SMAD6: variants seen among roughly 807,000 people sequenced by gnomAD.
The protein encoded by SMAD6 is SMAD family member 6.
Under a neutral mutation model 39.4 loss-of-function variants are expected in SMAD6, and 103 were observed. The observed-to-expected ratio is 2.62, with a 90% CI of 2.23 to 3.08. SMAD6 has a LOEUF of 3.08. SMAD6 is among the 30% of genes most tolerant of loss of function. The probability of loss-of-function intolerance (pLI) is 0.00; values close to 1 mark genes in which losing one functional copy is unlikely to be tolerated. For synonymous variants in SMAD6, 445 were observed against 353.3 expected (o/e 1.26, Z -2.91); for missense variants, 1,104 against 742.9 (o/e 1.49, Z -5.65).
chr15:66,709,699 A>C (rs1893190124), intron 1 of SMAD6, among the ~76,000 whole-genome samples: 1 of 152,200 alleles, frequency 6.6e-6, no homozygotes, highest in African/African-American at 2.4e-5. Flanking sequence ...CATGGAGGTC[A>C]GAGACCTGGC....
At chr15:66,729,135 G>A (rs1351941867) in intron 3 of SMAD6, among the ~76,000 whole-genome samples, 1 of 152,132 alleles carries the variant, frequency 6.6e-6, no homozygotes, top group Admixed American at 6.5e-5. Flanking sequence ...TCGGCCTAGA[G>A]CAGGATCTCC....
intron 1 of SMAD6, chr15:66,706,983 T>C (rs1157051931): frequency 6.6e-6 from 1 of 152,368 alleles, no homozygotes; most frequent in Non-Finnish European, 1.5e-5. Context: ...CCTCCCCCAC[T>C]CTGCCCCAGG....
chr15:66,720,713 C>T (rs763438574), intron 3 of SMAD6, among the ~76,000 whole-genome samples: 2 of 152,178 alleles, frequency 1.3e-5, no homozygotes, highest in African/African-American at 2.4e-5. Context: ...AGATACTTTA[C>T]CCCTGCCAGG....
intron 3 of SMAD6, among the ~76,000 whole-genome samples, chr15:66,777,115 A>C (rs1894480298): frequency 6.6e-6 from 1 of 152,144 alleles, no homozygotes; most frequent in South Asian, 2.1e-4. Flanking sequence ...TGGTTTGTGG[A>C]AGCCTGAAGT....
At chr15:66,755,350 T>C (rs574923414) in intron 3 of SMAD6, among the ~76,000 whole-genome samples, 1 of 152,310 alleles carries the variant, frequency 6.6e-6, no homozygotes, top group East Asian at 1.9e-4. Flanking sequence ...TGATCTTTTT[T>C]AGATGTGGGG....
chr15:66,711,765 C>T (rs377616191), intron 2 of SMAD6, 41 bp downstream of exon 2: 92 of 1,509,198 alleles, frequency 6.1e-5, no homozygotes, highest in Middle Eastern at 1.7e-4. Context: ...AGGTGTGTCC[C>T]GAACTGGGTC....
At chr15:66,778,397 G>T (rs1894503310) in intron 3 of SMAD6, among the ~76,000 whole-genome samples, 1 of 152,098 alleles carries the variant, frequency 6.6e-6, no homozygotes, top group African/African-American at 2.4e-5. Context: ...CGCTTCCCCT[G>T]CCCCCTGTGC....
At chr15:66,749,877 C>G (rs1317074341) in intron 3 of SMAD6, among the ~76,000 whole-genome samples, 10 of 152,258 alleles carry the variant, frequency 6.6e-5, no homozygotes, top group East Asian at 5.8e-4. Flanking sequence ...GACAGTTGTT[C>G]AGAGTTGCTG....
At chr15:66,736,773 G>A (rs928649137) in intron 3 of SMAD6, among the ~76,000 whole-genome samples, 37 of 151,930 alleles carry the variant, frequency 2.4e-4, no homozygotes, top group African/African-American at 8.5e-4. Flanking sequence ...GGGTTCAAGT[G>A]ATTCTCCTGC....
chr15:66,754,739 A>T (rs1444081124), intron 3 of SMAD6, among the ~76,000 whole-genome samples: 2 of 152,162 alleles, frequency 1.3e-5, no homozygotes, highest in African/African-American at 2.4e-5. Flanking sequence ...CATTTTACAG[A>T]TGGATTCACT....
rs1401514935 is a variant in SMAD6 at position 66,702,444 on chromosome 15, G to GCGACCT, written c.-812_-807dup. 2 of 151,956 alleles carry GCGACCT rather than the reference G, an allele frequency of 1.3e-5. No individual in the cohort carries two copies. The highest frequency in any genetic ancestry group is 2.4e-5 in the African/African-American group (1 of 41,326). The allele number at this position is 151,956 out of a possible 1,614,324, so 9.4% of individuals were successfully genotyped here. On this transcript the variant is annotated 5_prime_UTR_variant, in exon 1 of 4. Coordinates refer to ENST00000288840, the MANE Select transcript of SMAD6 (RefSeq NM_005585.5). ...CACTTTTGTGGAGGGGGGAGGGGGG[G>GCGACCT]CGACCTCGGCAGCCTCGGCGCACGA...
At chr15:66,729,894 G>GCAGA in intron 3 of SMAD6, among the ~76,000 whole-genome samples, 1 of 152,190 alleles carries the variant, frequency 6.6e-6, no homozygotes, top group Non-Finnish European at 1.5e-5. Flanking sequence ...TGCTCCAGAC[G>GCAGA]AGGGCCTGGG....
intron 3 of SMAD6, among the ~76,000 whole-genome samples, chr15:66,774,560 A>AG (rs1894433228): frequency 6.6e-6 from 1 of 152,140 alleles, no homozygotes; most frequent in Non-Finnish European, 1.5e-5. Flanking sequence ...GGGAGGGAAC[A>AG]GGGCTTGTCC....
rs1189061874 is a variant in SMAD6 at position 66,703,111 on chromosome 15, G to C, written c.-148G>C. 2 of 518,750 alleles carry C rather than the reference G, an allele frequency of 3.9e-6. No homozygotes were observed. The highest frequency in any genetic ancestry group is 4.4e-5 in the Admixed American group (1 of 22,720). 32.1% of individuals were successfully genotyped at this position (518,750 alleles called of 1,614,324 possible). A position where few individuals can be genotyped will look rare whatever the true frequency, so the allele number is the denominator to read the frequency against. On this transcript the variant is annotated 5_prime_UTR_variant, in exon 1 of 4. Coordinates refer to ENST00000288840, the MANE Select transcript of SMAD6 (RefSeq NM_005585.5). Reference sequence around the variant, plus strand: ...TGTTGTCGCCCTGCGGCGCCCCTTCGACGACAGGCTGTGCGCGGTCTGCAC... The same window carrying C: ...TGTTGTCGCCCTGCGGCGCCCCTTCCACGACAGGCTGTGCGCGGTCTGCAC...
At position 66,703,191 on chromosome 15, in the gene SMAD6, G is replaced by C. The variant is rs1239976672; in HGVS notation, c.-68G>C. ...CTGCGACCCGCGCAGCCGGCGCCTC[G>C]CTGAGGGAACGGACCCCCGGTAACC... On this transcript the variant is annotated 5_prime_UTR_variant, in exon 1 of 4. Transcript: ENST00000288840. 4 of 1,220,064 alleles carry C rather than the reference G, an allele frequency of 3.3e-6. No homozygotes were observed. The highest frequency in any genetic ancestry group is 4.1e-5 in the Admixed American group (1 of 24,588). 75.6% of individuals were successfully genotyped at this position (1,220,064 alleles called of 1,614,324 possible).
At position 66,727,908 on chromosome 15, in the gene SMAD6, A is replaced by G. The variant is rs970274403; in HGVS notation, c.952+11410A>G. On this transcript the variant is annotated intron_variant, in intron 3 of 3. Transcript: ENST00000288840. ...GCTCTTGTTGCCCAGGCTGGAGTGC[A>G]ATGGCGCGATCTCCGCTCGCGGTAA... Among the ~76,000 whole-genome samples the G allele has an allele frequency of 3.3e-5, 5 of 151,928 alleles. No homozygotes were observed. The East Asian group carries it at 7.7e-4, about 24-fold the overall frequency.
Position 66,782,017 on chromosome 15 carries a change from AAG to A in SMAD6, c.*485_*486del, listed in dbSNP as rs1894588049. The A allele has an allele frequency of 2.5e-6, 1 of 398,744 alleles. No homozygotes were observed. The highest frequency in any genetic ancestry group is 4.4e-6 in the Non-Finnish European group (1 of 225,994). 24.7% of individuals were successfully genotyped at this position (398,744 alleles called of 1,614,324 possible). Reference sequence around the variant, plus strand: ...TTTTTTAAACTGTCTTCTTTTTACAAAGAGGGGCAGGTAGGGCTTCAGCGGAT... The same window carrying A: ...TTTTTTAAACTGTCTTCTTTTTACAAAGGGGCAGGTAGGGCTTCAGCGGAT... On this transcript the variant is annotated 3_prime_UTR_variant, in exon 4 of 4. Coordinates refer to ENST00000288840, the MANE Select transcript of SMAD6 (RefSeq NM_005585.5).
At chr15:66,738,582 A>G (rs1265874888) in intron 3 of SMAD6, among the ~76,000 whole-genome samples, 1 of 152,174 alleles carries the variant, frequency 6.6e-6, no homozygotes, top group East Asian at 1.9e-4. Flanking sequence ...GGCAGAGAAG[A>G]TAACATTTTC....
intron 1 of SMAD6, chr15:66,705,136 C>G (rs1439075415): frequency 6.6e-6 from 1 of 152,260 alleles, no homozygotes; most frequent in Non-Finnish European, 1.5e-5. Flanking sequence ...ATTCTGGCTT[C>G]CCTGGGGAGA....
Sources: allele counts gnomAD v4.1 joint callset (sites outside exome capture counted in the v4.1 genomes callset), GRCh38; gene constraint gnomAD v4.1.1; transcripts MANE v1.5; gene names NCBI Gene and HGNC (gene_info 2026-07-23, HGNC 2026-07-21).